MYO1E: variants seen among roughly 807,000 people sequenced by gnomAD.
MYO1E encodes the protein myosin IE.
In MYO1E, 68 loss-of-function variants were observed where a neutral mutation model predicts 151.1. That is an observed-to-expected ratio of 0.45 (90% CI 0.37 to 0.55). MYO1E has a LOEUF of 0.55. Ranked by LOEUF, MYO1E falls within the 20% of genes least tolerant of loss-of-function variation. MYO1E has a pLI of 0.00. For missense variants in MYO1E, 1,363 were observed against 1,389.3 expected (o/e 0.98, Z 0.30); for synonymous variants, 601 against 501.7 (o/e 1.20, Z -2.64).
At chr15:59,199,788 G>A (rs1236480079) in intron 16 of MYO1E, among the ~76,000 whole-genome samples, 25 of 152,166 alleles carry the variant, frequency 1.6e-4, no homozygotes, top group Non-Finnish European at 5.9e-5. Context: ...AAACGCTTAC[G>A]CCTCAGGGAC....
intron 1 of MYO1E, among the ~76,000 whole-genome samples, chr15:59,312,643 A>G (rs1437280132): frequency 3.9e-5 from 6 of 152,080 alleles, no homozygotes; most frequent in Non-Finnish European, 7.4e-5. Flanking sequence ...GGATTAGGCG[A>G]GAACACCATC....
chr15:59,190,754 G>A (rs908122389), intron 17 of MYO1E, among the ~76,000 whole-genome samples: 7 of 152,176 alleles, frequency 4.6e-5, no homozygotes, highest in Non-Finnish European at 8.8e-5. Flanking sequence ...CACTTAGTTC[G>A]TAGCACGAGC....
At chr15:59,324,150 A>G (rs1370515258) in intron 1 of MYO1E, among the ~76,000 whole-genome samples, 1 of 152,200 alleles carries the variant, frequency 6.6e-6, no homozygotes, top group East Asian at 1.9e-4. Context: ...AGACAAGTAC[A>G]TATATCCGTG....
intron 4 of MYO1E, among the ~76,000 whole-genome samples, chr15:59,249,865 G>C (rs1160776850): frequency 6.6e-6 from 1 of 152,162 alleles, no homozygotes; most frequent in Non-Finnish European, 1.5e-5. Context: ...TCCAGTGTCA[G>C]GGGCTACAAA....
At position 59,137,296 on chromosome 15, in the gene MYO1E, G is replaced by T; in HGVS notation, c.*84C>A. 8.1e-7 allele frequency: 1 copy of T among 1,229,540 alleles called. No individual in the cohort carries two copies. The highest frequency in any genetic ancestry group is 1.2e-6 in the Non-Finnish European group (1 of 832,600). 76.2% of individuals were successfully genotyped at this position (1,229,540 alleles called of 1,614,324 possible). A position where few individuals can be genotyped will look rare whatever the true frequency, so the allele number is the denominator to read the frequency against. On this transcript the variant is annotated 3_prime_UTR_variant, in exon 28 of 28. Coordinates refer to ENST00000288235, the MANE Select transcript of MYO1E (RefSeq NM_004998.4). ...CTTGGAGAAGCAATTGCTCATTGTG[G>T]ATTGTAAGGGGAGCCCCTAAATATC...
intron 15 of MYO1E, 110 bp from the exon 16 acceptor site, chr15:59,202,517 G>A: frequency 9.9e-7 from 1 of 1,012,392 alleles, no homozygotes; most frequent in Admixed American, 1.8e-5. Flanking sequence ...CATAACCTTG[G>A]CTACAGAAAA....
chr15:59,176,427 C>G (rs940272696), intron 19 of MYO1E, among the ~76,000 whole-genome samples: 1 of 150,288 alleles, frequency 6.7e-6, no homozygotes, highest in Non-Finnish European at 1.5e-5. Flanking sequence ...AAGGTGAAAC[C>G]ACATGGTAGG....
At chr15:59,245,037 T>C (rs1489034542) in intron 4 of MYO1E, among the ~76,000 whole-genome samples, 3 of 152,156 alleles carry the variant, frequency 2.0e-5, no homozygotes, top group South Asian at 2.1e-4. Flanking sequence ...AACCCCGTCA[T>C]AGTCAGAGGT....
chr15:59,238,941 C>T (rs1272705191), intron 4 of MYO1E, among the ~76,000 whole-genome samples: 8 of 151,446 alleles, frequency 5.3e-5, no homozygotes, highest in Non-Finnish European at 7.4e-5. Context: ...TACAATGGCT[C>T]GTGCCTGTAA....
chr15:59,179,859 CA>C (rs144058078), intron 18 of MYO1E, among the ~76,000 whole-genome samples: 2,064 of 152,348 alleles, frequency 0.014, 56 homozygotes, highest in African/African-American at 0.047. Flanking sequence ...TGGATAGAAT[CA>C]TCATGGGTAT....
intron 6 of MYO1E, among the ~76,000 whole-genome samples, chr15:59,231,148 G>A (rs2080025195): frequency 6.6e-6 from 1 of 152,194 alleles, no homozygotes. Context: ...AGTCACTTTG[G>A]GATGTCGTTA....
At chr15:59,272,497 T>C (rs1434790384) in intron 1 of MYO1E, 48 bp from the exon 2 acceptor site, 2 of 1,594,364 alleles carry the variant, frequency 1.3e-6, no homozygotes, top group South Asian at 1.1e-5. Context: ...TTTTCCCCTG[T>C]AGTAACAAAG....
intron 1 of MYO1E, among the ~76,000 whole-genome samples, chr15:59,273,750 C>T (rs1388526924): frequency 6.6e-6 from 1 of 152,152 alleles, no homozygotes; most frequent in Non-Finnish European, 1.5e-5. Context: ...GCAAATATTA[C>T]ATGACAATAT....
At chr15:59,197,054 GTGATCTCTGCTCA>G (rs1217435658) in intron 16 of MYO1E, among the ~76,000 whole-genome samples, 5 of 131,272 alleles carry the variant, frequency 3.8e-5, no homozygotes, top group South Asian at 5.3e-4. Context: ...GTGCAGTGGC[GTGATCTCTGCTCA>G]TTGCAACCTC....
chr15:59,308,222 C>CAA lies in MYO1E; in HGVS notation c.4-35775_4-35774dup, dbSNP rs1189618865. 6.6e-4 allele frequency among the ~76,000 whole-genome samples: 32 copies of CAA among 48,522 alleles called. 2 individuals are homozygous for CAA. Among genetic ancestry groups the CAA allele is most frequent in the South Asian group, 3.7e-3 (3 of 820 alleles). 31.8% of individuals were successfully genotyped at this position (48,522 alleles called of 152,430 possible). A position where few individuals can be genotyped will look rare whatever the true frequency, so the allele number is the denominator to read the frequency against. ...TGGGTGACAGAGTGAGACTCTGTCTCAAAAAAAAAAAAAAAAAAAAAAAAA... is the reference window on the plus strand; with the variant it reads ...TGGGTGACAGAGTGAGACTCTGTCTCAAAAAAAAAAAAAAAAAAAAAAAAAAA... On this transcript the variant is annotated intron_variant, in intron 1 of 27. Coordinates refer to ENST00000288235, the MANE Select transcript of MYO1E (RefSeq NM_004998.4).
At chr15:59,147,980 C>T (rs1268150858) in intron 26 of MYO1E, among the ~76,000 whole-genome samples, 2 of 152,176 alleles carry the variant, frequency 1.3e-5, no homozygotes, top group Admixed American at 6.5e-5. Flanking sequence ...GAAACATCAC[C>T]TTTCAACCCT....
chr15:59,195,597 G>A (rs375353105), intron 16 of MYO1E, 30 bp from the exon 17 acceptor site: 1 of 1,583,732 alleles, frequency 6.3e-7, no homozygotes, highest in Non-Finnish European at 8.7e-7. Context: ...TCAGAATCAT[G>A]GAACTTTCTC....
chr15:59,342,477 A>G (rs1484406565), intron 1 of MYO1E, among the ~76,000 whole-genome samples: 1 of 152,218 alleles, frequency 6.6e-6, no homozygotes, highest in Non-Finnish European at 1.5e-5. Context: ...TTGAAGTCTT[A>G]GATTTAGGTC....
At position 59,180,367 on chromosome 15, in the gene MYO1E, G is replaced by A. The variant is rs555188083; in HGVS notation, c.1905-1830C>T. Among the ~76,000 whole-genome samples, 16 of 152,298 alleles carry A rather than the reference G, an allele frequency of 1.1e-4. No homozygotes were observed. In the South Asian group the frequency reaches 2.3e-3, roughly 22 times the overall value. On this transcript the variant is annotated intron_variant, in intron 18 of 27. Transcript: ENST00000288235. ...TTGGGTGAGGCAGAAAGTTCATGGA[G>A]GGTAGAAGTGAGAAGGAAAAGACTA... is the stretch of plus-strand genomic sequence containing the variant.
Sources: allele counts gnomAD v4.1 joint callset (sites outside exome capture counted in the v4.1 genomes callset), GRCh38; gene constraint gnomAD v4.1.1; transcripts MANE v1.5; gene names NCBI Gene and HGNC (gene_info 2026-07-23, HGNC 2026-07-21).